The following COL26A1 variants were observed in gnomAD, a reference collection of about 807,000 sequenced individuals.
COL26A1 encodes collagen type XXVI alpha 1 chain.
In COL26A1, 41 loss-of-function variants were observed where a neutral mutation model predicts 59.3. That is an observed-to-expected ratio of 0.69 (90% CI 0.54 to 0.90). COL26A1 has a LOEUF of 0.90. Ranked by LOEUF, COL26A1 falls within the 40% of genes least tolerant of loss-of-function variation. The pLI, the probability that COL26A1 is intolerant of heterozygous loss-of-function variation, is 0.00. For missense variants in COL26A1, 612 were observed against 602.3 expected (o/e 1.02, Z -0.17); for synonymous variants, 266 against 256.0 (o/e 1.04, Z -0.37).
At chr7:101,525,606 C>T (rs1031974081) in intron 3 of COL26A1, among the ~76,000 whole-genome samples, 1 of 151,654 alleles carries the variant, frequency 6.6e-6, no homozygotes, top group Non-Finnish European at 1.5e-5. Flanking sequence ...AAGCAATTCT[C>T]CTGCCTCAGC....
At chr7:101,449,922 G>A (rs921658300) in intron 3 of COL26A1, among the ~76,000 whole-genome samples, 2 of 151,964 alleles carry the variant, frequency 1.3e-5, no homozygotes, top group Admixed American at 1.3e-4. Context: ...TCAGGAGTTC[G>A]AGACCAGCCT....
chr7:101,554,636 T>C (rs143687743), intron 11 of COL26A1, among the ~76,000 whole-genome samples: 16,191 of 150,774 alleles, frequency 0.11, 901 homozygotes, highest in Middle Eastern at 0.15. Context: ...CCCAGCTACT[T>C]GGGAGGCTGA....
At chr7:101,392,043 A>G (rs376624774) in intron 1 of COL26A1, among the ~76,000 whole-genome samples, 12 of 152,190 alleles carry the variant, frequency 7.9e-5, no homozygotes, top group African/African-American at 2.9e-4. Flanking sequence ...AGAGTCCAGC[A>G]GGGCAGTGTG....
intron 2 of COL26A1, among the ~76,000 whole-genome samples, chr7:101,444,890 C>T (rs1397380499): frequency 6.6e-6 from 1 of 151,930 alleles, no homozygotes; most frequent in Non-Finnish European, 1.5e-5. Context: ...TTCACACAGG[C>T]TGGAGTGCAG....
intron 3 of COL26A1, among the ~76,000 whole-genome samples, chr7:101,509,802 A>T (rs1584473853): frequency 6.6e-6 from 1 of 152,024 alleles, no homozygotes. Context: ...AGCTTGGATC[A>T]CTGCAACTCC....
intron 2 of COL26A1, among the ~76,000 whole-genome samples, chr7:101,423,803 C>G (rs936717607): frequency 6.6e-6 from 1 of 152,094 alleles, no homozygotes; most frequent in Non-Finnish European, 1.5e-5. Flanking sequence ...TTCTCACTCA[C>G]TCCTTGGAGT....
At chr7:101,448,080 G>A (rs574634413) in intron 3 of COL26A1, among the ~76,000 whole-genome samples, 1 of 152,322 alleles carries the variant, frequency 6.6e-6, no homozygotes, top group Non-Finnish European at 1.5e-5. Flanking sequence ...ATTTCTAGCC[G>A]GTTTCTTCCA....
At position 101,363,062 on chromosome 7, in the gene COL26A1, G is replaced by A. The variant is rs1197100980; in HGVS notation, c.30G>A (p.Ala10=). 2 of 1,582,412 alleles carry A rather than the reference G, an allele frequency of 1.3e-6. No homozygotes were observed. The highest frequency in any genetic ancestry group is 1.7e-6 in the Non-Finnish European group (2 of 1,172,938). Residue 10 remains alanine (A), a synonymous_variant, in exon 1 of 13, where the codon GCG becomes GCA. Transcript: ENST00000313669. MKLALLLPW[A]CCCLCGSALA... ...AGCTGGCCCTGCTCCTGCCCTGGGCGTGTTGCTGCCTCTGCGGGTCGGCGC... is the reference window on the plus strand; with the variant it reads ...AGCTGGCCCTGCTCCTGCCCTGGGCATGTTGCTGCCTCTGCGGGTCGGCGC...
chr7:101,371,517 T>G (rs1791194043), intron 1 of COL26A1, among the ~76,000 whole-genome samples: 2 of 149,546 alleles, frequency 1.3e-5, no homozygotes, highest in Non-Finnish European at 1.5e-5. Context: ...ATTAGCTGGG[T>G]GTGGTGGTGC....
chr7:101,463,377 G>T (rs1793659129), intron 3 of COL26A1, among the ~76,000 whole-genome samples: 1 of 152,072 alleles, frequency 6.6e-6, no homozygotes, highest in South Asian at 2.1e-4. Flanking sequence ...ATATTCCACT[G>T]TAGGGATATT....
chr7:101,385,250 T>C (rs6959804), intron 1 of COL26A1, among the ~76,000 whole-genome samples: 31,880 of 147,482 alleles, frequency 0.22, 3,680 homozygotes, highest in Non-Finnish European at 0.25. Flanking sequence ...TATATATATA[T>C]ACACACACAC....
intron 3 of COL26A1, among the ~76,000 whole-genome samples, chr7:101,453,581 A>T (rs960884043): frequency 6.6e-6 from 1 of 152,118 alleles, no homozygotes; most frequent in Admixed American, 6.6e-5. Context: ...CACCTTGCTC[A>T]GGATGCGTGT....
chr7:101,442,329 CTTTT>C (rs35025332), intron 2 of COL26A1, among the ~76,000 whole-genome samples: 2 of 139,344 alleles, frequency 1.4e-5, no homozygotes, highest in Admixed American at 7.2e-5. Flanking sequence ...CTAGGTCTTT[CTTTT>C]TTTTTTTTTT....
chr7:101,385,480 C>T (rs1791551608), intron 1 of COL26A1, among the ~76,000 whole-genome samples: 1 of 151,444 alleles, frequency 6.6e-6, no homozygotes, highest in African/African-American at 2.4e-5. Flanking sequence ...AAGTGATTCT[C>T]CTGCCTCAGC....
chr7:101,411,954 A>C (rs1442763571), intron 1 of COL26A1, among the ~76,000 whole-genome samples: 1 of 152,120 alleles, frequency 6.6e-6, no homozygotes, highest in African/African-American at 2.4e-5. Context: ...AAACAAAAGA[A>C]AAAACAAAAG....
At chr7:101,410,898 G>T (rs576315758) in intron 1 of COL26A1, among the ~76,000 whole-genome samples, 30 of 152,120 alleles carry the variant, frequency 2.0e-4, no homozygotes, top group Non-Finnish European at 3.2e-4. Context: ...TAGAGCTGGG[G>T]TCTTGCTACG....
At chr7:101,370,726 CT>C (rs1256337516) in intron 1 of COL26A1, among the ~76,000 whole-genome samples, 1 of 152,154 alleles carries the variant, frequency 6.6e-6, no homozygotes, top group Non-Finnish European at 1.5e-5. Context: ...TCTGAATTCA[CT>C]TTCTTGTGGT....
At chr7:101,379,738 C>T (rs1162008496) in intron 1 of COL26A1, among the ~76,000 whole-genome samples, 5 of 152,154 alleles carry the variant, frequency 3.3e-5, no homozygotes, top group Non-Finnish European at 5.9e-5. Context: ...CGGCCAAAAC[C>T]CACCAAAACC....
intron 10 of COL26A1, 88 bp downstream of exon 10, chr7:101,551,231 G>A: frequency 2.0e-6 from 2 of 979,086 alleles, no homozygotes; most frequent in East Asian, 2.8e-5. Context: ...GGGGGTTGGT[G>A]GGGGGGTTCA....
Sources: gnomAD v4.1 joint callset for allele counts (sites outside exome capture counted in the v4.1 genomes callset) on GRCh38, gnomAD v4.1.1 for gene constraint, MANE v1.5 for transcripts, NCBI Gene and HGNC (gene_info 2026-07-23, HGNC 2026-07-21) for gene names.